The following HSPBAP1 variants were observed in gnomAD, a reference collection of about 807,000 sequenced individuals.
HSPBAP1 encodes the protein HSPB1-associated protein 1.
In HSPBAP1, 27 loss-of-function variants were observed where a neutral mutation model predicts 45.2. That is an observed-to-expected ratio of 0.60 (90% confidence interval 0.44 to 0.82). The LOEUF is 0.82. HSPBAP1 is among the 40% of genes least tolerant of loss of function. HSPBAP1 has a pLI of 0.00. For missense variants in HSPBAP1, 510 were observed against 590.9 expected, an observed-to-expected ratio of 0.86 and a Z score of 1.42; for synonymous variants, 204 against 202.7, an observed-to-expected ratio of 1.01 and a Z score of -0.06.
In HSPBAP1 at chr3:122,740,996, C is replaced by T. The variant is rs370429085; in HGVS notation, c.936+7G>A. 105 of 1,612,334 alleles carry T rather than the reference C, an allele frequency of 6.5e-5. No individual in the cohort carries two copies. The highest frequency in any genetic ancestry group is 2.0e-4 in the East Asian group (9 of 44,876). ...AACTGCCATGATGAAGACCAGAAGC[C>T]GCCTACCTCAGTGGGGTTTAACCAG... is the stretch of plus-strand genomic sequence containing the variant. On this transcript the variant is annotated splice_region_variant and intron_variant, in intron 7 of 7. Transcript: ENST00000306103.
chr3:122,748,129 A>G (rs1284520090), intron 6 of HSPBAP1, among the ~76,000 whole-genome samples: 3 of 152,236 alleles, frequency 2.0e-5, no homozygotes, highest in Non-Finnish European at 1.5e-5. Flanking sequence ...ACTCAGGGTT[A>G]AATGGATTAA....
intron 5 of HSPBAP1, chr3:122,754,633 A>G (rs1934275699): frequency 1.4e-5 from 14 of 984,916 alleles, no homozygotes; most frequent in East Asian, 1.1e-4. Flanking sequence ...TCGAGAGAAT[A>G]AAATCTTCTT....
At chr3:122,766,104 G>A (rs747977304) in intron 3 of HSPBAP1, among the ~76,000 whole-genome samples, 3 of 152,200 alleles carry the variant, frequency 2.0e-5, no homozygotes, top group Non-Finnish European at 4.4e-5. Flanking sequence ...CAGACATCAA[G>A]AAGACATGCC....
In HSPBAP1 at chr3:122,752,590, C is replaced by G; in HGVS notation, c.825+1G>C. On this transcript the variant is annotated splice_donor_variant, in intron 6 of 7. Transcript: ENST00000306103. LOFTEE classifies it high-confidence loss of function. ...AAAAAAAAAAAACAACGAAAAAGTA[C>G]CAGTTCAATCCATGAGTTTATACTG... 4 of 1,525,914 alleles carry G rather than the reference C, an allele frequency of 2.6e-6. No individual in the cohort carries two copies. Among genetic ancestry groups the G allele is most frequent in the Non-Finnish European group, 3.5e-6 (4 of 1,128,704 alleles). 94.5% of individuals were successfully genotyped at this position (1,525,914 alleles called of 1,614,324 possible).
intron 3 of HSPBAP1, 144 bp downstream of exon 3, chr3:122,768,557 T>C: frequency 1.6e-6 from 1 of 609,856 alleles, no homozygotes; most frequent in Non-Finnish European, 2.9e-6. Flanking sequence ...AGCAAATCTT[T>C]TGGTTTGAGT....
chr3:122,777,791 A>G lies in HSPBAP1; in HGVS notation c.180T>C (p.Ala60=), dbSNP rs777787566. Residue 60 remains alanine (A), a synonymous_variant, in exon 2 of 8, where the codon GCT becomes GCC. Coordinates refer to ENST00000306103, the MANE Select transcript of HSPBAP1 (RefSeq NM_024610.6). ...CATGAAGGACCTGCGAAAGGTATTTAGCATTCCAGTGTCGTGCTGGCCAAT... is the reference window on the plus strand; with the variant it reads ...CATGAAGGACCTGCGAAAGGTATTTGGCATTCCAGTGTCGTGCTGGCCAAT... ...VFDWPARHWN[A]KYLSQVLHGK... 72 of 1,613,966 alleles carry G rather than the reference A, an allele frequency of 4.5e-5. No individual in the cohort carries two copies. The highest frequency in any genetic ancestry group is 4.3e-4 in the Admixed American group (26 of 60,004).
intron 1 of HSPBAP1, among the ~76,000 whole-genome samples, chr3:122,790,232 C>T (rs1176369805): frequency 2.0e-5 from 3 of 152,110 alleles, no homozygotes. Context: ...CTCTATTTTT[C>T]TGCAAAGACT....
intron 5 of HSPBAP1, chr3:122,753,437 AAGT>A (rs1934232572): frequency 1.0e-6 from 1 of 981,990 alleles, no homozygotes; most frequent in East Asian, 1.1e-4. Context: ...GAGAAATTCT[AAGT>A]AGGGGGATGG....
chr3:122,781,885 G>C (rs529513053), intron 1 of HSPBAP1, among the ~76,000 whole-genome samples: 3 of 152,088 alleles, frequency 2.0e-5, no homozygotes, highest in Non-Finnish European at 4.4e-5. Context: ...TGGGCACCTA[G>C]GCAGATTCCA....
At chr3:122,777,694 T>A in intron 2 of HSPBAP1, 27 bp downstream of exon 2, 1 of 1,540,620 alleles carries the variant, frequency 6.5e-7, no homozygotes, top group East Asian at 2.3e-5. Flanking sequence ...GAAGAGACAT[T>A]ATGATGGTGA....
chr3:122,768,496 A>G (rs1934867217), intron 3 of HSPBAP1, among the ~76,000 whole-genome samples: 1 of 152,236 alleles, frequency 6.6e-6, no homozygotes, highest in South Asian at 2.1e-4. Flanking sequence ...TGGGAGTAGG[A>G]AAACAAGGAA....
At chr3:122,781,457 A>ACTC (rs1935471974) in intron 1 of HSPBAP1, among the ~76,000 whole-genome samples, 1 of 148,402 alleles carries the variant, frequency 6.7e-6, no homozygotes, top group Non-Finnish European at 1.5e-5. Context: ...CGGCAGGCTG[A>ACTC]GGCAGGAGAA....
chr3:122,746,486 G>A (rs188420190), intron 6 of HSPBAP1, among the ~76,000 whole-genome samples: 3 of 151,704 alleles, frequency 2.0e-5, no homozygotes, highest in Admixed American at 2.0e-4. Context: ...ATATGTTCAG[G>A]TATCTAGTAT....
intron 5 of HSPBAP1, chr3:122,753,584 A>T: frequency 2.0e-6 from 2 of 984,212 alleles, no homozygotes; most frequent in Non-Finnish European, 2.4e-6. Context: ...GATGGCATCT[A>T]TCCAGACTCA....
rs1305166048 is a variant in HSPBAP1 at position 122,746,797 on chromosome 3, C to T, written c.826-5684G>A. On this transcript the variant is annotated intron_variant, in intron 6 of 7. Coordinates refer to ENST00000306103, the MANE Select transcript of HSPBAP1 (RefSeq NM_024610.6). ...CCTGCCGAGTGCCTGCGATTGCAGG[C>T]GCGCGCCGCCACGCCTGGCTGGTTT... Among the ~76,000 whole-genome samples, 7 of 152,146 alleles carry T rather than the reference C, an allele frequency of 4.6e-5. No individual in the cohort carries two copies. In the South Asian group the frequency reaches 6.2e-4, roughly 14 times the overall value.
At chr3:122,741,802 T>C (rs2107493350) in intron 6 of HSPBAP1, 1 of 152,222 alleles carries the variant, frequency 6.6e-6, no homozygotes, top group Middle Eastern at 3.4e-3. Context: ...CTAATAAACA[T>C]ATGAAGATAT....
chr3:122,744,698 T>G (rs1399843729), intron 6 of HSPBAP1, among the ~76,000 whole-genome samples: 1 of 152,246 alleles, frequency 6.6e-6, no homozygotes, highest in Admixed American at 6.5e-5. Context: ...TCAACGATAC[T>G]AATCCTTTGG....
At chr3:122,783,851 G>C (rs1251348318) in intron 1 of HSPBAP1, among the ~76,000 whole-genome samples, 2 of 147,992 alleles carry the variant, frequency 1.4e-5, no homozygotes, top group African/African-American at 2.5e-5. Flanking sequence ...TTTTTTTTGA[G>C]ACGGAGTCTC....
At chr3:122,746,449 A>G (rs1311229389) in intron 6 of HSPBAP1, among the ~76,000 whole-genome samples, 1 of 152,036 alleles carries the variant, frequency 6.6e-6, no homozygotes, top group Non-Finnish European at 1.5e-5. Flanking sequence ...AAATAGGCAG[A>G]AAGACCAATG....
Sources: gnomAD v4.1 joint callset for allele counts (sites outside exome capture counted in the v4.1 genomes callset) on GRCh38, gnomAD v4.1.1 for gene constraint, MANE v1.5 for transcripts, NCBI Gene and HGNC (gene_info 2026-07-23, HGNC 2026-07-21) for gene names.